Variants in NUP58 observed in about 807,000 individuals in gnomAD.
The protein encoded by NUP58 is nucleoporin 58.
In NUP58, 17 loss-of-function variants were observed where a neutral mutation model predicts 70.1. The ratio of observed to expected loss-of-function variants is 0.24; its 90% CI spans 0.17 to 0.36. The LOEUF is 0.36. NUP58 is among the 10% of genes least tolerant of loss of function. NUP58 has a pLI of 1.00. For synonymous variants in NUP58, 275 were observed against 257.6 expected, an observed-to-expected ratio of 1.07 and a Z score of -0.65; for missense variants, 644 against 701.5, an observed-to-expected ratio of 0.92 and a Z score of 0.93.
At position 25,304,177 on chromosome 13, in the gene NUP58, AC is replaced by A. The variant is rs149756481; in HGVS notation, c.107+2299del. Among the ~76,000 whole-genome samples the A allele has an allele frequency of 7.3e-3, 1,117 of 152,238 alleles. 17 individuals are homozygous for A. Among genetic ancestry groups the A allele is most frequent in the African/African-American group, 0.025 (1,020 of 41,530 alleles). ...GTAAATCTTAGCTATTATGTTAGCT[AC>A]CAAGTCTGCATTAGGGCAAGCTGGG... On this transcript the variant is annotated intron_variant, in intron 1 of 15. Coordinates refer to ENST00000381736, the MANE Select transcript of NUP58 (RefSeq NM_014089.4).
chr13:25,347,809 C>T (rs1219047140), intron 3 of NUP58, among the ~76,000 whole-genome samples: 1 of 152,064 alleles, frequency 6.6e-6, no homozygotes, highest in African/African-American at 2.4e-5. Context: ...TCTCAATTAG[C>T]CAAACAAGGA....
At chr13:25,308,157 A>C (rs2030469645) in intron 2 of NUP58, 1 of 424,820 alleles carries the variant, frequency 2.4e-6, no homozygotes, top group Admixed American at 3.9e-5. Flanking sequence ...ATAACGAAGG[A>C]AAACATACAA....
In NUP58 at chr13:25,333,766, C is replaced by A. The variant is rs562640537; in HGVS notation, c.1435+2208C>A. The A allele has an allele frequency of 6.1e-6, 6 of 985,348 alleles. No homozygotes were observed. In the South Asian group the frequency reaches 2.3e-4, roughly 39 times the overall value. 61.0% of individuals were successfully genotyped at this position (985,348 alleles called of 1,614,324 possible). On this transcript the variant is annotated intron_variant, in intron 13 of 15. Transcript: ENST00000381736. ...AGTTATCCCTTATGCCCTGTGACTTCTGTGAAATCTTTGTTTTTAAGTGCC... is the reference window on the plus strand; with the variant it reads ...AGTTATCCCTTATGCCCTGTGACTTATGTGAAATCTTTGTTTTTAAGTGCC...
At chr13:25,318,345 T>C (rs1337968026) in intron 6 of NUP58, among the ~76,000 whole-genome samples, 4 of 151,940 alleles carry the variant, frequency 2.6e-5, no homozygotes, top group Non-Finnish European at 5.9e-5. Context: ...AAAAAAAAAT[T>C]TGTAGCCACA....
chr13:25,327,466 T>G lies in NUP58; in HGVS notation c.1187T>G (p.Phe396Cys). The G allele has an allele frequency of 6.2e-7, 1 of 1,611,066 alleles. No homozygotes were observed. Among genetic ancestry groups the G allele is most frequent in the Non-Finnish European group, 8.5e-7 (1 of 1,178,676 alleles). The part of the protein sequence containing the change: ...SMAMQKIYQT[F>C]VALAAQLQSI... ...GCTATGCAGAAAATTTATCAAACAT[T>G]TGTAGCTTTAGCGGCACAACTTCAG... The change falls in exon 12 of 16, where the codon TTT becomes TGT. Residue 396 changes from phenylalanine (F) to cysteine (C), a missense_variant. Physicochemically the swap from Phe to Cys is radical, Grantham distance 205. This residue lies in a region of NUP58 where 78 missense variants were observed against 71.3 expected (regional missense o/e 1.09). Transcript: ENST00000381736.
downstream of NUP58, among the ~76,000 whole-genome samples, chr13:25,344,449 C>T (rs982059926): frequency 2.6e-5 from 4 of 152,168 alleles, no homozygotes; most frequent in Non-Finnish European, 4.4e-5. Flanking sequence ...GCACCAATAC[C>T]CCACTGCCTT....
At chr13:25,337,566 TTAG>T (rs1403179761) in intron 14 of NUP58, among the ~76,000 whole-genome samples, 2 of 152,130 alleles carry the variant, frequency 1.3e-5, no homozygotes, top group Non-Finnish European at 2.9e-5. Context: ...TTTCATAAGG[TTAG>T]TAAGGTAAGT....
Position 25,340,044 on chromosome 13 carries a change from G to A in NUP58, c.1710G>A (p.Val570=), listed in dbSNP as rs146714714. The A allele has an allele frequency of 4.2e-4, 675 of 1,613,886 alleles. 2 individuals carry two copies. The African/African-American group carries it at 8.1e-3, about 19-fold the overall frequency. ...ITASAGLTFG[V]SNPASAGFGT... ...CATCAGCTGGTTTGACTTTTGGGGT[G>A]TCCAATCCTGCCTCTGCAGGTTTTG... Residue 570 remains valine, a synonymous_variant, in exon 16 of 16, where the codon GTG becomes GTA. Transcript: ENST00000381736.
rs2030777899 is a variant in NUP58 at position 25,313,547 on chromosome 13, T to TCG, written c.437-67_437-66insCG. 3 of 1,336,216 alleles carry TCG rather than the reference T, an allele frequency of 2.2e-6. No individual in the cohort carries two copies. In the Admixed American group the frequency reaches 8.8e-5, roughly 39 times the overall value. The allele number at this position is 1,336,216 out of a possible 1,614,324, so 82.8% of individuals were successfully genotyped here. ...GATGTCAGTTTTTAAAAACATCGTA[T>TCG]TTGTATTTTTCTATGGTGCTGTTAA... is the stretch of plus-strand genomic sequence containing the variant. On this transcript the variant is annotated intron_variant, in intron 4 of 15. Coordinates refer to ENST00000381736, the MANE Select transcript of NUP58 (RefSeq NM_014089.4).
At chr13:25,328,002 C>G (rs1429715344) in intron 12 of NUP58, among the ~76,000 whole-genome samples, 1 of 152,012 alleles carries the variant, frequency 6.6e-6, no homozygotes, top group African/African-American at 2.4e-5. Context: ...AGTTCAAGAC[C>G]AGCCTGGCCA....
At chr13:25,317,117 CAGAT>C (rs2030967528) in intron 6 of NUP58, among the ~76,000 whole-genome samples, 1 of 151,848 alleles carries the variant, frequency 6.6e-6, no homozygotes, top group South Asian at 2.1e-4. Context: ...GGGATTTAAC[CAGAT>C]AGAGAGTAGC....
chr13:25,309,114 A>G (rs575759748), intron 2 of NUP58, 133 bp from the exon 3 acceptor site: 8 of 656,596 alleles, frequency 1.2e-5, no homozygotes, highest in East Asian at 2.9e-5. Flanking sequence ...GGCAGATACT[A>G]TGATATGTAT....
chr13:25,307,115 T>G (rs753150723), intron 1 of NUP58, among the ~76,000 whole-genome samples: 1 of 152,126 alleles, frequency 6.6e-6, no homozygotes, highest in East Asian at 1.9e-4. Context: ...TTTCAAACAT[T>G]GGTGAAAGCA....
downstream of NUP58, among the ~76,000 whole-genome samples, chr13:25,343,796 CATATATATGTATATATATAT>C (rs2032010083): frequency 8.2e-6 from 1 of 121,440 alleles, no homozygotes; most frequent in African/African-American, 3.4e-5. Context: ...TAGTATTCCA[CATATATATGTATATATATAT>C]ATATATATAT....
chr13:25,318,571 A>G (rs540930997), intron 6 of NUP58, among the ~76,000 whole-genome samples: 8 of 152,322 alleles, frequency 5.3e-5, no homozygotes, highest in African/African-American at 1.9e-4. Context: ...ATATATAAGA[A>G]AAATACCGTA....
At chr13:25,315,614 T>C in intron 6 of NUP58, 147 bp downstream of exon 6, 1 of 587,566 alleles carries the variant, frequency 1.7e-6, no homozygotes, top group Non-Finnish European at 3.1e-6. Flanking sequence ...ATATGTATTT[T>C]TTAATAGGGA....
chr13:25,344,231 A>G (rs1175808200), downstream of NUP58, among the ~76,000 whole-genome samples: 2 of 152,174 alleles, frequency 1.3e-5, no homozygotes, highest in African/African-American at 2.4e-5. Flanking sequence ...AATAGGTATT[A>G]ATATTTTTCC....
chr13:25,341,422 A>G lies in NUP58; in HGVS notation c.*1288A>G, dbSNP rs934924822. On this transcript the variant is annotated 3_prime_UTR_variant, in exon 16 of 16. Coordinates refer to ENST00000381736, the MANE Select transcript of NUP58 (RefSeq NM_014089.4). ...CACTTTAGTGAGAACTTTTCTAGCT[A>G]TTCCAATACAGAGTTCTTTCTTATA... 1 of 152,614 alleles carries G rather than the reference A, an allele frequency of 6.6e-6. No homozygotes were observed. The highest frequency in any genetic ancestry group is 1.5e-5 in the Non-Finnish European group (1 of 68,036). 9.5% of individuals were successfully genotyped at this position (152,614 alleles called of 1,614,324 possible).
At chr13:25,325,858 C>T (rs2031374006) in intron 10 of NUP58, among the ~76,000 whole-genome samples, 1 of 152,162 alleles carries the variant, frequency 6.6e-6, no homozygotes, top group Admixed American at 6.5e-5. Flanking sequence ...CCACGCCTGG[C>T]CCCTTACTTA....
Sources: gnomAD v4.1 joint callset for allele counts (sites outside exome capture counted in the v4.1 genomes callset) on GRCh38, gnomAD v4.1.1 for gene constraint, gnomAD v4.1.1 regional missense constraint, MANE v1.5 for transcripts, NCBI Gene and HGNC (gene_info 2026-07-23, HGNC 2026-07-21) for gene names.